The following PLB1 variants were observed in gnomAD, a reference collection of about 807,000 sequenced individuals.
PLB1 encodes the protein phospholipase B1, membrane-associated.
A neutral mutation model predicts 227.4 loss-of-function variants in PLB1; 242 were observed. The ratio of observed to expected loss-of-function variants is 1.06; its 90% confidence interval spans 0.96 to 1.18. The LOEUF (loss-of-function observed/expected upper bound fraction) is 1.18. Ranked by LOEUF, PLB1 falls within the 50% of genes most tolerant of loss-of-function variation. The pLI, the probability that PLB1 is intolerant of heterozygous loss-of-function variation, is 0.00. For synonymous variants in PLB1, 757 were observed against 682.2 expected, an observed-to-expected ratio of 1.11 and a Z score of -1.71; for missense variants, 1,858 against 1,816.3, an observed-to-expected ratio of 1.02 and a Z score of -0.42.
At chr2:28,544,770 C>A (rs746423242) in intron 14 of PLB1, among the ~76,000 whole-genome samples, 4 of 152,070 alleles carry the variant, frequency 2.6e-5, no homozygotes, top group Non-Finnish European at 5.9e-5. Flanking sequence ...GGCAAAGGGA[C>A]CTTTGTGAGC....
rs575055353 is a variant in PLB1, at chr2:28,550,932, G to T, written c.1083+848G>T. On this transcript the variant is annotated intron_variant, in intron 16 of 57. Transcript: ENST00000327757. ...CGCTGATGTTCAGTCAGGACAGGCT[G>T]GGGGAGGGAGAAGGATCCAGCATGT... Among the ~76,000 whole-genome samples, 26 of 152,300 alleles carry T rather than the reference G, an allele frequency of 1.7e-4. No individual in the cohort carries two copies. In the South Asian group the frequency reaches 4.1e-3, roughly 24 times the overall value.
At chr2:28,589,820 C>T (rs974068413) in intron 28 of PLB1, 50 bp downstream of exon 28, 1 of 1,560,436 alleles carries the variant, frequency 6.4e-7, no homozygotes, top group Non-Finnish European at 8.8e-7. Context: ...AAGAAAAAGA[C>T]TTCACAAAGC....
intron 9 of PLB1, among the ~76,000 whole-genome samples, chr2:28,535,204 T>C (rs905957824): frequency 2.0e-5 from 3 of 152,280 alleles, no homozygotes; most frequent in African/African-American, 7.2e-5. Context: ...TCCTCATTTT[T>C]AAACAGCTGT....
intron 36 of PLB1, 118 bp from the exon 37 acceptor site, chr2:28,601,134 C>T: frequency 1.1e-6 from 1 of 878,426 alleles, no homozygotes; most frequent in South Asian, 1.5e-5. Flanking sequence ...TTCAGAGATG[C>T]TGATTCCATT....
intron 25 of PLB1, among the ~76,000 whole-genome samples, chr2:28,583,197 T>TG (rs199949824): frequency 6.6e-6 from 1 of 151,930 alleles, no homozygotes; most frequent in African/African-American, 2.4e-5. Flanking sequence ...AACTTTTTTT[T>TG]TTTTTTGAGA....
chr2:28,510,524 C>G (rs1370621574), intron 1 of PLB1, among the ~76,000 whole-genome samples: 2 of 152,100 alleles, frequency 1.3e-5, no homozygotes, highest in East Asian at 3.8e-4. Flanking sequence ...CTCATACACC[C>G]TCCTCAGCTT....
rs17006989 is a variant in PLB1, at chr2:28,547,532, G to A, written c.937-1328G>A. Reference sequence around the variant, plus strand: ...TCTTTTCTTGTTTCTTGCTTATTGGGGCACAGATGCTGGGGTAAGATACCG... The same window carrying A: ...TCTTTTCTTGTTTCTTGCTTATTGGAGCACAGATGCTGGGGTAAGATACCG... On this transcript the variant is annotated intron_variant, in intron 14 of 57. Transcript: ENST00000327757. Among the ~76,000 whole-genome samples the A allele has an allele frequency of 8.2e-3, 1,255 of 152,232 alleles. 22 individuals are homozygous for A. Among genetic ancestry groups the A allele is most frequent in the African/African-American group, 0.028 (1,165 of 41,516 alleles).
rs983256685 is a variant in PLB1 at position 28,573,924 on chromosome 2, G to A, written c.1433+619G>A. On this transcript the variant is annotated intron_variant, in intron 21 of 57. Coordinates refer to ENST00000327757, the MANE Select transcript of PLB1 (RefSeq NM_153021.5). ...GTTGGTCAAAATGGTGGTCCTGGCA[G>A]TAATGCAGCAAGGTGGCAGGCCCAC... 2.6e-5 allele frequency among the ~76,000 whole-genome samples: 4 copies of A among 152,352 alleles called. 1 individual carries two copies. The East Asian group carries it at 7.7e-4, about 29-fold the overall frequency.
rs1688163998 is a variant in PLB1, at chr2:28,628,707, A to T, written c.3726+79A>T. On this transcript the variant is annotated intron_variant, in intron 52 of 57. Transcript: ENST00000327757. ...ATGTAGGCAGGCTGTGTTCAGTGAG[A>T]TGCTCACGGAGCAGAGACCCGCCAT... is the stretch of plus-strand genomic sequence containing the variant. The T allele has an allele frequency of 3.6e-6, 5 of 1,389,972 alleles. No individual in the cohort carries two copies. The East Asian group carries it at 1.2e-4, about 32-fold the overall frequency. 86.1% of individuals were successfully genotyped at this position (1,389,972 alleles called of 1,614,324 possible). A position where few individuals can be genotyped will look rare whatever the true frequency, so the allele number is the denominator to read the frequency against.
rs1248462094 is a variant in PLB1, at chr2:28,549,012, TG to T, written c.1008+84del. ...TGGCCAAGTGGGCTTTGCTGTGAAG[TG>T]GGTCTTACCTGAGATGTGAATCCTG... On this transcript the variant is annotated intron_variant, in intron 15 of 57. Transcript: ENST00000327757. 3.1e-6 allele frequency: 4 copies of T among 1,280,952 alleles called. No individual in the cohort carries two copies. In the African/African-American group the frequency reaches 5.9e-5, roughly 19 times the overall value. 79.3% of individuals were successfully genotyped at this position (1,280,952 alleles called of 1,614,324 possible). A position where few individuals can be genotyped will look rare whatever the true frequency, so the allele number is the denominator to read the frequency against.
At chr2:28,638,159 T>G (rs191531003) in intron 56 of PLB1, among the ~76,000 whole-genome samples, 4 of 151,664 alleles carry the variant, frequency 2.6e-5, no homozygotes, top group Non-Finnish European at 4.4e-5. Context: ...AGACAGATAA[T>G]CAACAAGGTC....
intron 20 of PLB1, among the ~76,000 whole-genome samples, chr2:28,567,059 CG>C (rs1677072588): frequency 2.1e-5 from 1 of 48,754 alleles, no homozygotes; most frequent in African/African-American, 8.5e-5. Flanking sequence ...GCTTGGGGGC[CG>C]GGGGCGGGGA....
At chr2:28,500,927 G>T (rs182265209) in intron 1 of PLB1, among the ~76,000 whole-genome samples, 1 of 152,034 alleles carries the variant, frequency 6.6e-6, no homozygotes, top group Non-Finnish European at 1.5e-5. Context: ...AAACTTCATG[G>T]TACAAGATTT....
At chr2:28,545,889 A>G (rs1673180283) in intron 14 of PLB1, among the ~76,000 whole-genome samples, 1 of 152,160 alleles carries the variant, frequency 6.6e-6, no homozygotes. Flanking sequence ...CAGGGAGTCC[A>G]GGTCCATTAC....
chr2:28,515,876 T>A (rs184504598), intron 1 of PLB1, among the ~76,000 whole-genome samples: 2 of 152,320 alleles, frequency 1.3e-5, no homozygotes, highest in Admixed American at 1.3e-4. Context: ...GAAATAAGCA[T>A]CAAAATTATG....
At chr2:28,585,072 T>C (rs1680681000) in intron 25 of PLB1, among the ~76,000 whole-genome samples, 1 of 152,110 alleles carries the variant, frequency 6.6e-6, no homozygotes, top group South Asian at 2.1e-4. Flanking sequence ...GTGTTCAATG[T>C]TAATTATTCA....
At chr2:28,588,105 T>TC (rs1681221604) in intron 26 of PLB1, among the ~76,000 whole-genome samples, 1 of 123,040 alleles carries the variant, frequency 8.1e-6, no homozygotes, top group Non-Finnish European at 1.6e-5. Flanking sequence ...GCTACGGCTC[T>TC]CTCACTCTCC....
intron 4 of PLB1, among the ~76,000 whole-genome samples, chr2:28,523,470 A>G (rs1326346053): frequency 1.3e-5 from 2 of 151,622 alleles, no homozygotes; most frequent in African/African-American, 2.4e-5. Context: ...CCAGGGTCAC[A>G]GTATCTGCCA....
chr2:28,566,847 CGCG>C lies in PLB1; in HGVS notation c.1324+17_1324+19del, dbSNP rs754286592. 333 of 1,613,740 alleles carry C rather than the reference CGCG, an allele frequency of 2.1e-4. 1 individual carries two copies. The highest frequency in any genetic ancestry group is 2.7e-4 in the Non-Finnish European group (318 of 1,179,952). ...CCGTTACCACCCTGGCGAGTGAGTA[CGCG>C]GCGGCGGCCGGGATGTTTGGTTTGG... On this transcript the variant is annotated intron_variant, in intron 20 of 57. Coordinates refer to ENST00000327757, the MANE Select transcript of PLB1 (RefSeq NM_153021.5).
Sources: gnomAD v4.1 joint callset for allele counts (sites outside exome capture counted in the v4.1 genomes callset) on GRCh38, gnomAD v4.1.1 for gene constraint, MANE v1.5 for transcripts, NCBI Gene and HGNC (gene_info 2026-07-23, HGNC 2026-07-21) for gene names.